RBPMS: variants seen among roughly 807,000 people sequenced by gnomAD.
RBPMS encodes RNA-binding protein with multiple splicing.
A neutral mutation model predicts 26.8 loss-of-function variants in RBPMS; 7 were observed. The observed-to-expected ratio is 0.26, with a 90% CI of 0.15 to 0.49. The LOEUF is 0.49. RBPMS is among the 20% of genes least tolerant of loss of function. The probability of loss-of-function intolerance (pLI) is 0.98; values close to 1 mark genes in which losing one functional copy is unlikely to be tolerated. For synonymous variants in RBPMS, 96 were observed against 93.3 expected, an observed-to-expected ratio of 1.03 and a Z score of -0.17; for missense variants, 186 against 250.0, an observed-to-expected ratio of 0.74 and a Z score of 1.73.
chr8:30,437,958 C>CAA (rs548974873), intron 1 of RBPMS, among the ~76,000 whole-genome samples: 1 of 148,208 alleles, frequency 6.7e-6, no homozygotes, highest in Non-Finnish European at 1.5e-5. Flanking sequence ...GACTCCGTCT[C>CAA]AAAAAAAGAA....
intron 1 of RBPMS, among the ~76,000 whole-genome samples, chr8:30,410,770 G>T (rs554225848): frequency 1.5e-5 from 2 of 134,554 alleles, no homozygotes; most frequent in African/African-American, 5.6e-5. Context: ...AGATCTCACT[G>T]TGTCAGCCAT....
intron 1 of RBPMS, among the ~76,000 whole-genome samples, chr8:30,466,997 A>C (rs1816576971): frequency 6.6e-6 from 1 of 152,200 alleles, no homozygotes; most frequent in African/African-American, 2.4e-5. Context: ...AAAAGGAACA[A>C]GTCTTTTAAG....
At chr8:30,489,480 C>T (rs1230787746) in intron 4 of RBPMS, among the ~76,000 whole-genome samples, 2 of 150,838 alleles carry the variant, frequency 1.3e-5, no homozygotes, top group Admixed American at 6.6e-5. Flanking sequence ...TTTTTCGAGA[C>T]AGTCTCGCTC....
At chr8:30,528,672 A>G (rs1823868540) in intron 5 of RBPMS, among the ~76,000 whole-genome samples, 1 of 152,174 alleles carries the variant, frequency 6.6e-6, no homozygotes, top group South Asian at 2.1e-4. Context: ...TGTTACATAA[A>G]TATAGTCATT....
At chr8:30,431,684 C>T (rs1308872642) in intron 1 of RBPMS, among the ~76,000 whole-genome samples, 1 of 152,114 alleles carries the variant, frequency 6.6e-6, no homozygotes, top group Non-Finnish European at 1.5e-5. Context: ...CTCCAGACCT[C>T]AGGTGATCCG....
chr8:30,460,169 T>C (rs967307842), intron 1 of RBPMS, among the ~76,000 whole-genome samples: 4 of 152,214 alleles, frequency 2.6e-5, no homozygotes, highest in African/African-American at 9.6e-5. Flanking sequence ...TATTCTGAAA[T>C]TTGAAATGCA....
At chr8:30,479,411 CAT>C in intron 4 of RBPMS, 34 bp downstream of exon 4, 2 of 1,456,880 alleles carry the variant, frequency 1.4e-6, no homozygotes, top group Non-Finnish European at 1.9e-6. Flanking sequence ...AGGGGGTTTC[CAT>C]ATGAGGTGGT....
At chr8:30,448,905 A>G (rs1004903659) in intron 1 of RBPMS, among the ~76,000 whole-genome samples, 23 of 152,200 alleles carry the variant, frequency 1.5e-4, no homozygotes, top group African/African-American at 5.6e-4. Context: ...AAATATTACG[A>G]GACCATACCC....
At chr8:30,548,924 G>T (rs1346854759) in intron 6 of RBPMS, among the ~76,000 whole-genome samples, 1 of 152,258 alleles carries the variant, frequency 6.6e-6, no homozygotes, top group South Asian at 2.1e-4. Context: ...TTGGTGTCGG[G>T]TATGTTTTGA....
intron 1 of RBPMS, chr8:30,446,852 C>CGT (rs1813899672): frequency 8.3e-6 from 1 of 120,882 alleles, no homozygotes; most frequent in Non-Finnish European, 1.7e-5. Context: ...TGCGCGCGCG[C>CGT]GCGCGCGGTG....
At chr8:30,556,705 C>T (rs1352871391) in intron 6 of RBPMS, 2 of 985,924 alleles carry the variant, frequency 2.0e-6, no homozygotes, top group Non-Finnish European at 2.4e-6. Context: ...CCCGCCCCGT[C>T]CTTTCCCACC....
chr8:30,496,147 C>T (rs1327858126), intron 4 of RBPMS, among the ~76,000 whole-genome samples: 2 of 150,046 alleles, frequency 1.3e-5, no homozygotes, highest in African/African-American at 4.9e-5. Context: ...AGTCATATAA[C>T]AGCCTTCAGA....
chr8:30,434,886 G>A (rs1812290681), intron 1 of RBPMS, among the ~76,000 whole-genome samples: 2 of 152,020 alleles, frequency 1.3e-5, no homozygotes, highest in African/African-American at 4.8e-5. Context: ...TCATGGGACA[G>A]GGAAAGGAAG....
intron 1 of RBPMS, among the ~76,000 whole-genome samples, chr8:30,467,508 T>C (rs1816643633): frequency 6.6e-6 from 1 of 152,230 alleles, no homozygotes; most frequent in Admixed American, 6.5e-5. Context: ...GGGATGGCAC[T>C]GCCATAGGTA....
At chr8:30,455,606 C>G (rs113400528) in intron 1 of RBPMS, among the ~76,000 whole-genome samples, 1,555 of 152,062 alleles carry the variant, frequency 0.01, 24 homozygotes, top group African/African-American at 0.033. Flanking sequence ...AGAGACAATG[C>G]AGGCCGGGCG....
At position 30,513,463 on chromosome 8, in the gene RBPMS, C is replaced by T. The variant is rs1316750391; in HGVS notation, c.397+9027C>T. On this transcript the variant is annotated intron_variant, in intron 5 of 8. Transcript: ENST00000397323. ...AATTAGCCGGGAGTGGTGGCAGGCGCCTGTGGTCCCAGCTACTCGGGAGGC... is the reference window on the plus strand; with the variant it reads ...AATTAGCCGGGAGTGGTGGCAGGCGTCTGTGGTCCCAGCTACTCGGGAGGC... 2.6e-5 allele frequency among the ~76,000 whole-genome samples: 4 copies of T among 151,736 alleles called. No individual in the cohort carries two copies. The East Asian group carries it at 7.8e-4, about 30-fold the overall frequency.
At chr8:30,564,794 CGGACTCT>C (rs1180954873) in intron 7 of RBPMS, 1 of 152,580 alleles carries the variant, frequency 6.6e-6, no homozygotes, top group Middle Eastern at 3.1e-3. Flanking sequence ...AATTCCTGGC[CGGACTCT>C]GGCTCATGTT....
intron 5 of RBPMS, among the ~76,000 whole-genome samples, chr8:30,505,154 C>T (rs1820954762): frequency 6.6e-6 from 1 of 152,184 alleles, no homozygotes; most frequent in Non-Finnish European, 1.5e-5. Context: ...CAGTCAGTGG[C>T]AGAAGTGGGG....
At chr8:30,524,579 T>C (rs1358789121) in intron 5 of RBPMS, among the ~76,000 whole-genome samples, 2 of 152,122 alleles carry the variant, frequency 1.3e-5, no homozygotes, top group African/African-American at 4.8e-5. Context: ...CTTCATTTTT[T>C]GAAAAATTAT....
Sources: allele counts gnomAD v4.1 joint callset (sites outside exome capture counted in the v4.1 genomes callset), GRCh38; gene constraint gnomAD v4.1.1; transcripts MANE v1.5; gene names NCBI Gene and HGNC (gene_info 2026-07-23, HGNC 2026-07-21).